Variants in COBL observed in about 807,000 individuals in gnomAD.
COBL encodes the protein cordon-bleu WH2 repeat protein, also known as protein cordon-bleu.
In COBL, 51 loss-of-function variants were observed where a neutral mutation model predicts 98.8. The observed-to-expected ratio is 0.52, with a 90% CI of 0.41 to 0.65. The LOEUF (loss-of-function observed/expected upper bound fraction) is 0.65. COBL is among the 30% of genes least tolerant of loss of function. COBL has a pLI of 0.00. For synonymous variants in COBL, 634 were observed against 651.7 expected, an observed-to-expected ratio of 0.97 and a Z score of 0.41; for missense variants, 1,617 against 1,617.5, an observed-to-expected ratio of 1.00 and a Z score of 0.01.
intron 8 of COBL, 49 bp downstream of exon 8, chr7:51,043,334 A>G (rs767591858): frequency 1.3e-6 from 2 of 1,560,660 alleles, no homozygotes; most frequent in Non-Finnish European, 1.8e-6. Flanking sequence ...CTTTAGAGAC[A>G]CAGATGTGGC....
chr7:51,030,029 T>C (rs1260569908), intron 9 of COBL, among the ~76,000 whole-genome samples: 4 of 152,308 alleles, frequency 2.6e-5, no homozygotes, highest in African/African-American at 4.8e-5. Flanking sequence ...AAATCTTGAG[T>C]ATCTCAGAAT....
At chr7:51,084,566 G>A (rs1217533413) in intron 7 of COBL, among the ~76,000 whole-genome samples, 2 of 152,196 alleles carry the variant, frequency 1.3e-5, no homozygotes, top group African/African-American at 4.8e-5. Context: ...CACCTCGCCT[G>A]TAGCACGAGG....
chr7:51,074,264 C>T (rs917355618), intron 7 of COBL, among the ~76,000 whole-genome samples: 4 of 140,120 alleles, frequency 2.9e-5, no homozygotes, highest in African/African-American at 1.1e-4. Context: ...GGCGCGATCT[C>T]GGCTCACTGC....
At chr7:51,249,015 A>G (rs1022002729) in intron 1 of COBL, among the ~76,000 whole-genome samples, 4 of 152,266 alleles carry the variant, frequency 2.6e-5, no homozygotes, top group Non-Finnish European at 5.9e-5. Context: ...CATTCTGAAC[A>G]TATCTTTTTC....
chr7:51,252,693 G>T (rs1360726566), intron 1 of COBL, among the ~76,000 whole-genome samples: 1 of 152,146 alleles, frequency 6.6e-6, no homozygotes, highest in Admixed American at 6.5e-5. Flanking sequence ...TATAATATTG[G>T]CACATAGTAT....
intron 1 of COBL, among the ~76,000 whole-genome samples, chr7:51,280,947 T>C (rs937511989): frequency 2.0e-5 from 3 of 152,158 alleles, no homozygotes; most frequent in African/African-American, 7.2e-5. Context: ...ACATTCTCCA[T>C]AAGCTTTAAA....
intron 1 of COBL, among the ~76,000 whole-genome samples, chr7:51,246,672 T>C (rs1049898553): frequency 3.9e-5 from 6 of 152,184 alleles, no homozygotes; most frequent in African/African-American, 1.4e-4. Flanking sequence ...AATGAAGCAT[T>C]ATAATGTTTA....
chr7:51,296,131 TG>T (rs1289057607), intron 1 of COBL, among the ~76,000 whole-genome samples: 1 of 152,224 alleles, frequency 6.6e-6, no homozygotes, highest in East Asian at 1.9e-4. Context: ...TAACACTTGT[TG>T]TAATGGACTT....
chr7:51,157,109 G>A (rs575164230), intron 5 of COBL, among the ~76,000 whole-genome samples: 2 of 152,318 alleles, frequency 1.3e-5, no homozygotes, highest in African/African-American at 2.4e-5. Flanking sequence ...GGTGGCTCAC[G>A]CCTGTAATCC....
At chr7:51,112,890 A>G (rs1381750124) in intron 6 of COBL, among the ~76,000 whole-genome samples, 2 of 152,200 alleles carry the variant, frequency 1.3e-5, no homozygotes, top group Non-Finnish European at 2.9e-5. Flanking sequence ...AGACAAGCAT[A>G]CTCAAGTATC....
chr7:51,103,734 A>G (rs1278419402), intron 6 of COBL, among the ~76,000 whole-genome samples: 1 of 152,242 alleles, frequency 6.6e-6, no homozygotes, highest in Non-Finnish European at 1.5e-5. Flanking sequence ...TTACAATAAT[A>G]TTACAACTTT....
At chr7:51,020,503 T>G (rs1020770382) in intron 12 of COBL, among the ~76,000 whole-genome samples, 10 of 152,228 alleles carry the variant, frequency 6.6e-5, no homozygotes, top group Non-Finnish European at 1.0e-4. Context: ...GCACTAGACA[T>G]GAATGTTTTA....
At chr7:51,215,347 A>G (rs911222431) in intron 2 of COBL, among the ~76,000 whole-genome samples, 3 of 152,248 alleles carry the variant, frequency 2.0e-5, no homozygotes, top group African/African-American at 7.2e-5. Flanking sequence ...CATTCTGCAA[A>G]TCACAGTGGG....
chr7:51,183,511 T>C (rs1486803090), intron 5 of COBL, among the ~76,000 whole-genome samples: 1 of 152,216 alleles, frequency 6.6e-6, no homozygotes, highest in Admixed American at 6.5e-5. Flanking sequence ...TTAATTACTC[T>C]AGAATACTGT....
At chr7:51,146,326 C>T (rs114804878) in intron 5 of COBL, among the ~76,000 whole-genome samples, 279 of 152,280 alleles carry the variant, frequency 1.8e-3, no homozygotes, top group African/African-American at 6.6e-3. Context: ...CCCTTGCCAC[C>T]TCCTTTTAGA....
intron 2 of COBL, among the ~76,000 whole-genome samples, chr7:51,206,582 T>C (rs1039317811): frequency 5.3e-5 from 8 of 152,006 alleles, no homozygotes; most frequent in African/African-American, 1.7e-4. Context: ...GCAGTATCTA[T>C]TGCAGCAGTA....
intron 12 of COBL, among the ~76,000 whole-genome samples, chr7:51,021,697 T>C (rs1259344589): frequency 3.3e-5 from 5 of 152,232 alleles, no homozygotes; most frequent in Non-Finnish European, 7.3e-5. Context: ...TATAATTTGA[T>C]GTTCGCATGC....
In COBL at chr7:51,264,403, G is replaced by A. The variant is rs371114133; in HGVS notation, c.42-44459C>T. On this transcript the variant is annotated intron_variant, in intron 1 of 12. Coordinates refer to ENST00000265136, the MANE Select transcript of COBL (RefSeq NM_015198.5). ...AAGCAACCCCCGGCCAGGCATGGTG[G>A]CTCACGCCTGTAATCCTACCAATTT... Among the ~76,000 whole-genome samples the A allele has an allele frequency of 4.9e-4, 75 of 152,266 alleles. No individual in the cohort carries two copies. In the South Asian group the frequency reaches 0.015, roughly 30 times the overall value.
At chr7:51,107,466 A>ATACAAC (rs1233426915) in intron 6 of COBL, among the ~76,000 whole-genome samples, 3 of 152,236 alleles carry the variant, frequency 2.0e-5, no homozygotes, top group Non-Finnish European at 4.4e-5. Context: ...AGTAAATATT[A>ATACAAC]TACAACTACA....
Sources: allele counts gnomAD v4.1 joint callset (sites outside exome capture counted in the v4.1 genomes callset), GRCh38; gene constraint gnomAD v4.1.1; transcripts MANE v1.5; gene names NCBI Gene and HGNC (gene_info 2026-07-23, HGNC 2026-07-21).